The following ESPN variants were observed in gnomAD, a reference collection of about 807,000 sequenced individuals.
ESPN encodes autosomal recessive deafness type 36 protein.
Under a neutral mutation model 77.7 loss-of-function variants are expected in ESPN, and 68 were observed. The ratio of observed to expected loss-of-function variants is 0.87; its 90% CI spans 0.72 to 1.07. The LOEUF is 1.07. Ranked by LOEUF, ESPN falls within the 50% of genes least tolerant of loss-of-function variation. The pLI, the probability that ESPN is intolerant of heterozygous loss-of-function variation, is 0.00. For synonymous variants in ESPN, 449 were observed against 567.1 expected (o/e 0.79, Z 2.96); for missense variants, 1,060 against 1,239.0 (o/e 0.86, Z 2.17).
Position 6,440,928 on chromosome 1 carries a change from C to T in ESPN, c.859-6C>T. The T allele has an allele frequency of 1.3e-6, 2 of 1,568,300 alleles. No individual in the cohort carries two copies. Among genetic ancestry groups the T allele is most frequent in the Non-Finnish European group, 1.7e-6 (2 of 1,158,262 alleles). ...GCGGCCGGGTCCTCACTGCGTGCCC[C>T]CGCAGTGCTGCCAGATCCTGGTAGT... On this transcript the variant is annotated splice_polypyrimidine_tract_variant and splice_region_variant and intron_variant, in intron 4 of 12. Coordinates refer to ENST00000645284, the MANE Select transcript of ESPN (RefSeq NM_031475.3).
chr1:6,429,063 TCA>T (rs1643145501), intron 2 of ESPN, among the ~76,000 whole-genome samples: 1 of 111,402 alleles, frequency 9.0e-6, no homozygotes, highest in African/African-American at 3.4e-5. Flanking sequence ...GGGTGGGGGG[TCA>T]CACAGAGCAG....
At chr1:6,440,220 C>G in intron 2 of ESPN, 34 bp from the exon 3 acceptor site, 1 of 1,544,392 alleles carries the variant, frequency 6.5e-7, no homozygotes, top group Non-Finnish European at 8.7e-7. Flanking sequence ...GGGTGAGGCG[C>G]TGAAAGCCCA....
intron 5 of ESPN, among the ~76,000 whole-genome samples, chr1:6,442,055 G>T (rs957631318): frequency 1.3e-5 from 2 of 152,174 alleles, no homozygotes; most frequent in African/African-American, 4.8e-5. Flanking sequence ...ACTGGGAAGG[G>T]CATTTCTGCA....
At chr1:6,440,603 C>CCCAAA in intron 3 of ESPN, 23 bp from the exon 4 acceptor site, 5 of 1,261,250 alleles carry the variant, frequency 4.0e-6, no homozygotes, top group Non-Finnish European at 5.4e-6. Context: ...CCCCGCCCCC[C>CCCAAA]TCTCCCCGCC....
intron 10 of ESPN, chr1:6,456,333 G>A (rs1171577084): frequency 2.6e-6 from 1 of 387,004 alleles, no homozygotes. Flanking sequence ...GAGGGCCCAG[G>A]ACCAGGCTGC....
At chr1:6,440,597 G>GCCACCCACTCCCCCC in intron 3 of ESPN, 29 bp from the exon 4 acceptor site, 1 of 704,608 alleles carries the variant, frequency 1.4e-6, no homozygotes, top group Non-Finnish European at 2.2e-6. Flanking sequence ...CCCAGCCCCC[G>GCCACCCACTCCCCCC]CCCCCCTCTC....
chr1:6,425,138 C>T lies in ESPN; in HGVS notation c.183C>T (p.Leu61=). The change falls in exon 1 of 13, where the codon CTC becomes CTT. Residue 61 remains leucine, a synonymous_variant. Coordinates refer to ENST00000645284, the MANE Select transcript of ESPN (RefSeq NM_031475.3). Reference sequence around the variant, plus strand: ...GCTTCCTGGTGGAGGAAGCCGCCCTCCCCGCCGCGGCCCGCGCCCGCAACG... The same window carrying T: ...GCTTCCTGGTGGAGGAAGCCGCCCTTCCCGCCGCGGCCCGCGCCCGCAACG... ...CLRFLVEEAA[L]PAAARARNGA... 6.6e-7 allele frequency: 1 copy of T among 1,508,866 alleles called. No homozygotes were observed. Among genetic ancestry groups the T allele is most frequent in the Non-Finnish European group, 8.8e-7 (1 of 1,136,922 alleles). The allele number at this position is 1,508,866 out of a possible 1,614,324, so 93.5% of individuals were successfully genotyped here. A position where few individuals can be genotyped will look rare whatever the true frequency, so the allele number is the denominator to read the frequency against.
chr1:6,449,839 A>G (rs1031097611), intron 8 of ESPN, among the ~76,000 whole-genome samples: 3 of 152,138 alleles, frequency 2.0e-5, no homozygotes, highest in African/African-American at 7.2e-5. Context: ...CCCAGGACAG[A>G]GTGCCTAGAT....
Position 6,448,797 on chromosome 1 carries a change from G to A in ESPN, c.1621G>A (p.Glu541Lys). 2 of 1,341,766 alleles carry A rather than the reference G, an allele frequency of 1.5e-6. No individual in the cohort carries two copies. Among genetic ancestry groups the A allele is most frequent in the South Asian group, 3.9e-5 (2 of 50,952 alleles). 83.1% of individuals were successfully genotyped at this position (1,341,766 alleles called of 1,614,324 possible). ...CGCACGCCCGGGCATGGCGCACAGCGAGGAGGTGCGTGCCCGCCAGCCCGC... is the reference window on the plus strand; with the variant it reads ...CGCACGCCCGGGCATGGCGCACAGCAAGGAGGTGCGTGCCCGCCAGCCCGC... ...LAARPGMAHS[E>K]EVRARQPARA... The change falls in exon 8 of 13, where the codon GAG becomes AAG. Residue 541 changes from glutamate to lysine, a missense_variant. Transcript: ENST00000645284.
chr1:6,440,856 G>C, intron 4 of ESPN, 48 bp downstream of exon 4: 1 of 1,479,262 alleles, frequency 6.8e-7, no homozygotes, highest in Non-Finnish European at 8.9e-7. Context: ...CTGGCACCGC[G>C]CTTTCAGCAC....
chr1:6,430,812 T>C (rs1464775287), intron 2 of ESPN, among the ~76,000 whole-genome samples: 1 of 151,200 alleles, frequency 6.6e-6, no homozygotes, highest in Admixed American at 6.6e-5. Context: ...ATCTCTCAGT[T>C]GGGAGGCATG....
In ESPN at chr1:6,444,573, G is replaced by A. The variant is rs1643759320; in HGVS notation, c.1083G>A (p.Val361=). 4.3e-6 allele frequency: 7 copies of A among 1,614,110 alleles called. No individual in the cohort carries two copies. The highest frequency in any genetic ancestry group is 5.9e-6 in the Non-Finnish European group (7 of 1,180,036). Reference sequence around the variant, plus strand: ...GCATGTCCTCACCCAATACCACGGTGTCGGTCCAGCCGCTGAACTTTGACC... The same window carrying A: ...GCATGTCCTCACCCAATACCACGGTATCGGTCCAGCCGCTGAACTTTGACC... ...DSGMSSPNTT[V]SVQPLNFDLS... Residue 361 remains valine (V), a synonymous_variant, in exon 6 of 13, where the codon GTG becomes GTA. Transcript: ENST00000645284.
chr1:6,455,689 G>A (rs1217475935), intron 10 of ESPN: 2 of 398,980 alleles, frequency 5.0e-6, no homozygotes, highest in Non-Finnish European at 8.8e-6. Context: ...GGCCTGAGCC[G>A]CGAGGAGCGC....
At position 6,448,621 on chromosome 1, in the gene ESPN, C is replaced by A; in HGVS notation, c.1465-20C>A. The A allele has an allele frequency of 6.4e-7, 1 of 1,552,078 alleles. No individual in the cohort carries two copies. Among genetic ancestry groups the A allele is most frequent in the Non-Finnish European group, 8.6e-7 (1 of 1,159,280 alleles). On this transcript the variant is annotated intron_variant, in intron 7 of 12. Transcript: ENST00000645284. The stretch of plus-strand genomic sequence containing the variant: ...TACCGGGCAGGTGCCCGAGCCCCAC[C>A]GGTCACTGTCTTCCCGCAGCTGAGC...
chr1:6,444,429 C>T (rs1643750982), intron 5 of ESPN, 52 bp from the exon 6 acceptor site: 1 of 1,583,824 alleles, frequency 6.3e-7, no homozygotes, highest in African/African-American at 1.3e-5. Context: ...GCCTGGAGAG[C>T]AACGCATCTT....
Position 6,452,094 on chromosome 1 carries a change from A to G in ESPN, c.2323A>G (p.Lys775Glu). ...KMQEEEEQRR[K>E]EEEEEARLAS... is the part of the protein sequence containing the mutation. ...GCAGGAGGAGGAGGAGCAGAGGCGG[A>G]AGGTGGGTGGGGCGGGGTGCCCAGG... The change falls in exon 10 of 13, where the codon AAG (lysine) becomes GAG (glutamate). Residue 775 changes from lysine (K) to glutamate (E), a missense_variant and splice_region_variant. Physicochemically the swap from Lys to Glu is moderately conservative, Grantham distance 56. Around this residue, in one of 3 missense-constraint regions of ESPN, gnomAD observed 374 missense variants for 381.4 expected, o/e 0.98. Transcript: ENST00000645284. 6.5e-7 allele frequency: 1 copy of G among 1,541,910 alleles called. No homozygotes were observed. Among genetic ancestry groups the G allele is most frequent in the Non-Finnish European group, 8.7e-7 (1 of 1,144,190 alleles).
chr1:6,442,354 A>G (rs1643666912), intron 5 of ESPN, among the ~76,000 whole-genome samples: 1 of 152,166 alleles, frequency 6.6e-6, no homozygotes, highest in South Asian at 2.1e-4. Context: ...GCAGATCACG[A>G]GGTCAGTAGA....
At chr1:6,429,526 G>A (rs1228116661) in intron 2 of ESPN, among the ~76,000 whole-genome samples, 1 of 152,096 alleles carries the variant, frequency 6.6e-6, no homozygotes, top group Non-Finnish European at 1.5e-5. Context: ...CCCTCACGGC[G>A]GTGATTCTGA....
At position 6,460,610 on chromosome 1, in the gene ESPN, C is replaced by A; in HGVS notation, c.*464C>A. 5.9e-6 allele frequency: 1 copy of A among 169,838 alleles called. No individual in the cohort carries two copies. Among genetic ancestry groups the A allele is most frequent in the Non-Finnish European group, 1.3e-5 (1 of 78,412 alleles). The allele number at this position is 169,838 out of a possible 1,614,324, so 10.5% of individuals were successfully genotyped here. On this transcript the variant is annotated 3_prime_UTR_variant, in exon 13 of 13. Transcript: ENST00000645284. ...AAGGGGTTTTCCCTTCCTCTCTGAC[C>A]CAGATCTGCGCGCGGCCTAGCCCGG...
Sources: gnomAD v4.1 joint callset for allele counts (sites outside exome capture counted in the v4.1 genomes callset) on GRCh38, gnomAD v4.1.1 for gene constraint, gnomAD v4.1.1 regional missense constraint, MANE v1.5 for transcripts, NCBI Gene and HGNC (gene_info 2026-07-23, HGNC 2026-07-21) for gene names.